FAM184A: variants seen among roughly 807,000 people sequenced by gnomAD.
FAM184A encodes the protein family with sequence similarity 184 member A.
FAM184A carries 99 observed loss-of-function variants against 143.8 expected under a neutral mutation model. The ratio of observed to expected loss-of-function variants is 0.69; its 90% CI spans 0.58 to 0.81. FAM184A has a LOEUF of 0.81. FAM184A is among the 40% of genes least tolerant of loss of function. The pLI is 0.00. For synonymous variants in FAM184A, 427 were observed against 446.4 expected (o/e 0.96, Z 0.55); for missense variants, 1,217 against 1,310.5 (o/e 0.93, Z 1.10).
chr6:119,078,140 C>T lies in FAM184A; in HGVS notation c.159+1G>A. On this transcript the variant is annotated splice_donor_variant, in intron 1 of 17. Transcript: ENST00000338891. LOFTEE classifies it high-confidence loss of function. The surrounding 1 kb of genome is among the most constrained non-coding windows in gnomAD (Gnocchi z 5.5). ...ACCTGCCCCGTCGCTGCCCCCCTTA[C>T]CTTGGTGAGCTGGGCGATTTTCTTG... is the stretch of plus-strand genomic sequence containing the variant. 6.3e-7 allele frequency: 1 copy of T among 1,586,460 alleles called. No individual in the cohort carries two copies. Among genetic ancestry groups the T allele is most frequent in the Non-Finnish European group, 8.6e-7 (1 of 1,168,606 alleles).
At chr6:119,088,206 A>G (rs1788278753) in intron 1 of FAM184A, among the ~76,000 whole-genome samples, 1 of 152,192 alleles carries the variant, frequency 6.6e-6, no homozygotes, top group African/African-American at 2.4e-5. Flanking sequence ...TTAATGCACT[A>G]AATATACACT....
intron 1 of FAM184A, among the ~76,000 whole-genome samples, chr6:119,100,423 C>G (rs757680093): frequency 1.3e-4 from 20 of 152,032 alleles, no homozygotes; most frequent in Non-Finnish European, 2.5e-4. Flanking sequence ...CAATGTCTGC[C>G]CATTACTGGT....
chr6:119,144,593 T>C (rs976361141), intron 1 of FAM184A, among the ~76,000 whole-genome samples: 3 of 152,242 alleles, frequency 2.0e-5, no homozygotes, highest in African/African-American at 7.2e-5. Context: ...CTCAAAAGAC[T>C]TGGGGAACAA....
intron 11 of FAM184A, among the ~76,000 whole-genome samples, chr6:118,977,844 T>C (rs1783892787): frequency 6.6e-6 from 1 of 152,238 alleles, no homozygotes; most frequent in Admixed American, 6.5e-5. Context: ...CTGGAGGAAC[T>C]AGTTAAAGAG....
At chr6:119,103,037 C>T (rs1018273149) in intron 1 of FAM184A, among the ~76,000 whole-genome samples, 7 of 152,070 alleles carry the variant, frequency 4.6e-5, no homozygotes, top group Admixed American at 4.6e-4. Flanking sequence ...CGGGAGTCAA[C>T]CCTAATTGGT....
upstream of FAM184A, among the ~76,000 whole-genome samples, chr6:119,083,215 C>A (rs1223310350): frequency 6.6e-6 from 1 of 152,232 alleles, no homozygotes; most frequent in African/African-American, 2.4e-5. Flanking sequence ...GCCCACGAAA[C>A]CATTTTTTCC....
At position 119,078,090 on chromosome 6, in the gene FAM184A, C is replaced by T; in HGVS notation, c.159+51G>A. The stretch of plus-strand genomic sequence containing the variant: ...CTGCCTCCCGGGGAGACAGGTGAGT[C>T]CGGCGCGGCCCGCACGGGGTCGCCA... On this transcript the variant is annotated intron_variant, in intron 1 of 17. Transcript: ENST00000338891. This position sits in a 1 kb window ranked among gnomAD's most constrained non-coding sequence, Gnocchi z 5.5. The T allele has an allele frequency of 6.5e-7, 1 of 1,537,006 alleles. No individual in the cohort carries two copies. The highest frequency in any genetic ancestry group is 1.4e-5 in the African/African-American group (1 of 72,714).
At chr6:119,028,924 T>C (rs531745077) in intron 1 of FAM184A, among the ~76,000 whole-genome samples, 1 of 152,182 alleles carries the variant, frequency 6.6e-6, no homozygotes, top group Non-Finnish European at 1.5e-5. Context: ...TGGTGTCCAC[T>C]AGAGAACTGG....
chr6:119,091,904 A>G (rs939037035), intron 1 of FAM184A, among the ~76,000 whole-genome samples: 6 of 152,182 alleles, frequency 3.9e-5, no homozygotes, highest in African/African-American at 1.4e-4. Flanking sequence ...GGGGCCTTGC[A>G]TGGCCTCCAT....
At chr6:119,133,425 T>C (rs1211606641) in intron 1 of FAM184A, among the ~76,000 whole-genome samples, 1 of 151,912 alleles carries the variant, frequency 6.6e-6, no homozygotes, top group Non-Finnish European at 1.5e-5. Context: ...TTAGCACCTA[T>C]GGAAAGGAAA....
At chr6:119,148,253 C>T (rs1019811451) in intron 1 of FAM184A, among the ~76,000 whole-genome samples, 2 of 152,210 alleles carry the variant, frequency 1.3e-5, no homozygotes, top group African/African-American at 4.8e-5. Flanking sequence ...TGGTGATCTC[C>T]TGAGTGAGGT....
intron 11 of FAM184A, among the ~76,000 whole-genome samples, chr6:118,977,264 C>T (rs759083475): frequency 4.6e-5 from 7 of 151,962 alleles, no homozygotes; most frequent in Non-Finnish European, 1.0e-4. Flanking sequence ...ATAATTATGC[C>T]GAGTGAAAAA....
At chr6:119,136,053 T>A (rs944534176) in intron 1 of FAM184A, among the ~76,000 whole-genome samples, 1 of 139,670 alleles carries the variant, frequency 7.2e-6, no homozygotes. Flanking sequence ...CCGAGGCGGG[T>A]GGATCATGAG....
chr6:118,974,939 C>G (rs541263218), intron 13 of FAM184A, 85 bp downstream of exon 13: 2 of 1,129,352 alleles, frequency 1.8e-6, no homozygotes. Flanking sequence ...AGTCTAGTCA[C>G]AAAATTAGCA....
chr6:119,032,489 G>A (rs1283251587), intron 1 of FAM184A, among the ~76,000 whole-genome samples: 1 of 150,200 alleles, frequency 6.7e-6, no homozygotes, highest in Non-Finnish European at 1.5e-5. Flanking sequence ...GGGTGGGGGA[G>A]GGGGAGAGGG....
At chr6:119,143,844 G>C (rs79648498) in intron 1 of FAM184A, among the ~76,000 whole-genome samples, 2,810 of 152,238 alleles carry the variant, frequency 0.018, 47 homozygotes, top group Non-Finnish European at 0.025. Flanking sequence ...AGATTGGTTT[G>C]ACAACAATGC....
chr6:119,107,791 A>AG lies in FAM184A; in HGVS notation c.-202+41286_-202+41287insC, dbSNP rs142042576. Among the ~76,000 whole-genome samples the AG allele has an allele frequency of 1.9e-3, 251 of 134,534 alleles. 3 individuals are homozygous for AG. Among genetic ancestry groups the AG allele is most frequent in the Non-Finnish European group, 2.2e-3 (140 of 64,156 alleles). 88.3% of individuals were successfully genotyped at this position (134,534 alleles called of 152,430 possible). A position where few individuals can be genotyped will look rare whatever the true frequency, so the allele number is the denominator to read the frequency against. Reference sequence around the variant, plus strand: ...AGACTTTGTCTCAAAAAAAAAAAAAAAAAAGAAAGAAAAGAACAGAGTTCA... The same window carrying AG: ...AGACTTTGTCTCAAAAAAAAAAAAAAGAAAAGAAAGAAAAGAACAGAGTTCA... On this transcript the variant is annotated intron_variant, in intron 1 of 16. Transcript: ENST00000352896.
At chr6:119,141,332 T>C (rs938057366) in intron 1 of FAM184A, among the ~76,000 whole-genome samples, 6 of 152,178 alleles carry the variant, frequency 3.9e-5, no homozygotes, top group Non-Finnish European at 8.8e-5. Flanking sequence ...TGTCACTGAG[T>C]TTGTCACTTC....
chr6:119,082,893 G>T (rs985589938), upstream of FAM184A, among the ~76,000 whole-genome samples: 5 of 152,210 alleles, frequency 3.3e-5, no homozygotes, highest in Admixed American at 3.3e-4. Flanking sequence ...CTGTGTAGGG[G>T]CTTTGACCCC....
Sources: allele counts gnomAD v4.1 joint callset (sites outside exome capture counted in the v4.1 genomes callset), GRCh38; gene constraint gnomAD v4.1.1; non-coding constraint Gnocchi (gnomAD v3.1); transcripts MANE v1.5; gene names NCBI Gene and HGNC (gene_info 2026-07-23, HGNC 2026-07-21).